BLTP1: variants seen among roughly 807,000 people sequenced by gnomAD.
BLTP1 encodes bridge-like lipid transfer protein family member 1, also known as fragile site-associated protein.
At chr4:122,275,342 T>C in the BLTP1 span, among the ~76,000 whole-genome samples, 1 of 152,050 alleles carries the variant, frequency 6.6e-6, no homozygotes, top group East Asian at 1.9e-4. Context: ...TTCAGAAAGA[T>C]CAACATAGTG....
chr4:122,219,899 T>C, the BLTP1 span, among the ~76,000 whole-genome samples: 30,779 of 152,100 alleles, frequency 0.2, 4,040 homozygotes, highest in Non-Finnish European at 0.28. Flanking sequence ...CTTTTATCTC[T>C]AGACCCCAGA....
At chr4:122,309,561 G>A in the BLTP1 span, 6 of 1,215,312 alleles carry the variant, frequency 4.9e-6, no homozygotes, top group African/African-American at 6.1e-5. Context: ...TATAGCAAAT[G>A]TTTTTAGACT....
chr4:122,327,217 A>T, the BLTP1 span, among the ~76,000 whole-genome samples: 1 of 150,012 alleles, frequency 6.7e-6, no homozygotes, highest in Non-Finnish European at 1.5e-5. Context: ...ATCTCTCAAT[A>T]TCTGTGGGGG....
At chr4:122,235,000 A>C in the BLTP1 span, 3 of 1,601,294 alleles carry the variant, frequency 1.9e-6, no homozygotes, top group Non-Finnish European at 2.6e-6. Context: ...ATAATTACTA[A>C]AGAAATTCCC....
At chr4:122,152,506 C>T in the BLTP1 span, 2 of 985,712 alleles carry the variant, frequency 2.0e-6, no homozygotes, top group African/African-American at 1.7e-5. Context: ...GCCGTCGCCG[C>T]CCCTGCCGCC....
At chr4:122,325,081 G>C in the BLTP1 span, 2 of 686,074 alleles carry the variant, frequency 2.9e-6, no homozygotes, top group Non-Finnish European at 4.4e-6. Flanking sequence ...TCTTTTTTAT[G>C]GGATGCTAAA....
chr4:122,205,036 T>C, the BLTP1 span: 1 of 153,430 alleles, frequency 6.5e-6, no homozygotes, highest in Non-Finnish European at 1.4e-5. Context: ...AAGTATGTTA[T>C]TCTGCCATTT....
the BLTP1 span, among the ~76,000 whole-genome samples, chr4:122,332,090 G>A: frequency 6.6e-6 from 1 of 151,604 alleles, no homozygotes; most frequent in Non-Finnish European, 1.5e-5. Context: ...AAAATGAACT[G>A]TAAAAAAAAT....
chr4:122,167,335 A>G, the BLTP1 span, among the ~76,000 whole-genome samples: 1 of 152,038 alleles, frequency 6.6e-6, no homozygotes, highest in Non-Finnish European at 1.5e-5. Context: ...ATGTTTATTC[A>G]TCTCCCAGGT....
At chr4:122,254,925 T>TA in the BLTP1 span, 5 of 1,612,606 alleles carry the variant, frequency 3.1e-6, no homozygotes, top group Non-Finnish European at 4.2e-6. Context: ...TTTGTGCTGT[T>TA]ATGGGATGCA....
chr4:122,348,891 A>G, the BLTP1 span: 1 of 550,254 alleles, frequency 1.8e-6, no homozygotes, highest in South Asian at 3.4e-5. Flanking sequence ...ACTGCAATAT[A>G]AAACATCATG....
At chr4:122,186,295 C>G in the BLTP1 span, 1 of 1,231,084 alleles carries the variant, frequency 8.1e-7, no homozygotes, top group Non-Finnish European at 1.1e-6. Context: ...ATCATTGAGG[C>G]TATGCACCTA....
the BLTP1 span, among the ~76,000 whole-genome samples, chr4:122,260,854 G>A: frequency 6.6e-6 from 1 of 152,014 alleles, no homozygotes; most frequent in Non-Finnish European, 1.5e-5. Context: ...ATAAACTAGC[G>A]TACACTGATA....
At chr4:122,239,432 T>TA in the BLTP1 span, 1 of 1,153,106 alleles carries the variant, frequency 8.7e-7, no homozygotes, top group East Asian at 2.6e-5. Flanking sequence ...TTAAAATTAC[T>TA]AAAAGGATTT....
At chr4:122,325,816 GTT>G in the BLTP1 span, 664 of 781,900 alleles carry the variant, frequency 8.5e-4, no homozygotes, top group South Asian at 1.5e-3. Context: ...TTTTTCATGA[GTT>G]TTTTTTTTTT....
the BLTP1 span, chr4:122,356,470 A>G: frequency 1.3e-6 from 1 of 799,098 alleles, no homozygotes; most frequent in African/African-American, 1.7e-5. Flanking sequence ...GGAAGTGCTT[A>G]ACAAACTATC....
chr4:122,209,885 A>G, the BLTP1 span: 86 of 1,613,472 alleles, frequency 5.3e-5, no homozygotes, highest in Admixed American at 2.8e-4. Flanking sequence ...ATGGCATCCA[A>G]TTTATCCACA....
chr4:122,189,709 T>G, the BLTP1 span: 11 of 907,160 alleles, frequency 1.2e-5, no homozygotes, highest in East Asian at 1.2e-3. Context: ...AATATAAAAC[T>G]AAATTTTTTC....
the BLTP1 span, chr4:122,305,876 G>T: frequency 2.6e-6 from 4 of 1,566,150 alleles, no homozygotes; most frequent in South Asian, 1.2e-5. Context: ...TTTTATTTTA[G>T]GTTTATGAGG....
Sources: gnomAD v4.1 joint callset for allele counts (sites outside exome capture counted in the v4.1 genomes callset) on GRCh38, gnomAD v4.1.1 for gene constraint, MANE v1.5 for transcripts, NCBI Gene and HGNC (gene_info 2026-07-23, HGNC 2026-07-21) for gene names.